KMT2C: variants seen among roughly 807,000 people sequenced by gnomAD.
KMT2C encodes histone-lysine N-methyltransferase 2C.
KMT2C carries 88 observed loss-of-function variants against 507.9 expected under a neutral mutation model. The ratio of observed to expected loss-of-function variants is 0.17; its 90% confidence interval spans 0.15 to 0.21. KMT2C has a LOEUF of 0.21. KMT2C is among the 10% of genes least tolerant of loss of function. The pLI is 1.00. For synonymous variants in KMT2C, 2,049 were observed against 2,080.8 expected (o/e 0.98, Z 0.42); for missense variants, 4,954 against 5,957.8 (o/e 0.83, Z 5.55).
intron 1 of KMT2C, among the ~76,000 whole-genome samples, chr7:152,395,137 C>T (rs1380177942): frequency 1.3e-5 from 2 of 152,026 alleles, no homozygotes; most frequent in Non-Finnish European, 2.9e-5. Context: ...CATGTATAAT[C>T]CCACTTAATA....
chr7:152,204,829 A>G (rs1227682504), intron 25 of KMT2C, among the ~76,000 whole-genome samples: 2 of 152,026 alleles, frequency 1.3e-5, no homozygotes, highest in African/African-American at 4.8e-5. Flanking sequence ...AATTTGATAC[A>G]GGAAAAAAGA....
intron 53 of KMT2C, among the ~76,000 whole-genome samples, chr7:152,145,506 G>C (rs765638473): frequency 2.7e-4 from 41 of 152,160 alleles, no homozygotes; most frequent in Non-Finnish European, 7.4e-5. Context: ...GCCAAACTTA[G>C]GTAAACCCTG....
rs377277317 is a variant in KMT2C at position 152,266,253 on chromosome 7, C to CT, written c.1013-1045dup. Among the ~76,000 whole-genome samples, 238 of 146,942 alleles carry CT rather than the reference C, an allele frequency of 1.6e-3. 1 individual carries two copies. In the East Asian group the frequency reaches 0.021, roughly 13 times the overall value. Reference sequence around the variant, plus strand: ...AAAGTATATGAACCTTTTTTTTTTCCTTTTTTTTTGAGACAGAGTTTCACT... The same window carrying CT: ...AAAGTATATGAACCTTTTTTTTTTCCTTTTTTTTTTGAGACAGAGTTTCACT... On this transcript the variant is annotated intron_variant, in intron 7 of 58. Coordinates refer to ENST00000262189, the MANE Select transcript of KMT2C (RefSeq NM_170606.3).
chr7:152,163,923 A>G (rs562147944), intron 42 of KMT2C, 97 bp from the exon 43 acceptor site: 2 of 1,181,164 alleles, frequency 1.7e-6, no homozygotes, highest in East Asian at 2.4e-5. Flanking sequence ...CACAGAGGGC[A>G]GTTTGGCCCT....
At chr7:152,169,287 A>T (rs2092856503) in intron 40 of KMT2C, 38 bp from the exon 41 acceptor site, 2 of 1,187,582 alleles carry the variant, frequency 1.7e-6, no homozygotes, top group Non-Finnish European at 2.5e-6. Context: ...TTTATTCCAC[A>T]TTTCAGTTAA....
chr7:152,425,016 G>A (rs947848488), intron 1 of KMT2C, among the ~76,000 whole-genome samples: 1 of 152,084 alleles, frequency 6.6e-6, no homozygotes, highest in African/African-American at 2.4e-5. Context: ...TGAGTCACAG[G>A]GCTAGGCGAG....
chr7:152,346,958 T>C (rs1244262861), intron 2 of KMT2C, among the ~76,000 whole-genome samples: 1 of 152,106 alleles, frequency 6.6e-6, no homozygotes, highest in Non-Finnish European at 1.5e-5. Flanking sequence ...AAACCCCGTC[T>C]CTACTAAAGA....
At position 152,144,594 on chromosome 7, in the gene KMT2C, A is replaced by C; in HGVS notation, c.14343+119T>G. 1 of 999,198 alleles carries C rather than the reference A, an allele frequency of 1.0e-6. No homozygotes were observed. The highest frequency in any genetic ancestry group is 1.5e-6 in the Non-Finnish European group (1 of 666,164). 61.9% of individuals were successfully genotyped at this position (999,198 alleles called of 1,614,324 possible). ...GGGACAGGATTTGATACGATTTTGA[A>C]AACACGTTTCTGTCCCTGCAGCTAT... On this transcript the variant is annotated intron_variant, in intron 55 of 58. Coordinates refer to ENST00000262189, the MANE Select transcript of KMT2C (RefSeq NM_170606.3). This position sits in a 1 kb window ranked among gnomAD's most constrained non-coding sequence, Gnocchi z 4.4.
chr7:152,348,621 AAAAG>A (rs1203118324), intron 2 of KMT2C, among the ~76,000 whole-genome samples: 19 of 143,222 alleles, frequency 1.3e-4, no homozygotes, highest in African/African-American at 3.7e-4. Context: ...AAAAAAAAAA[AAAAG>A]AAAGAAAGAA....
chr7:152,249,806 A>C, intron 13 of KMT2C, 70 bp downstream of exon 13: 1 of 968,996 alleles, frequency 1.0e-6, no homozygotes, highest in Non-Finnish European at 1.6e-6. Context: ...AGCAATCGCA[A>C]AAATGTCTTT....
At chr7:152,354,816 G>A (rs1443086077) in intron 2 of KMT2C, among the ~76,000 whole-genome samples, 1 of 152,278 alleles carries the variant, frequency 6.6e-6, no homozygotes, top group East Asian at 1.9e-4. Flanking sequence ...GCCAAAGTCA[G>A]ATCAATGGAG....
chr7:152,244,484 C>T (rs577368361), intron 14 of KMT2C, among the ~76,000 whole-genome samples: 71 of 152,158 alleles, frequency 4.7e-4, no homozygotes, highest in African/African-American at 1.6e-3. Context: ...GAGTTCGTAA[C>T]CAGCCTGGTC....
At chr7:152,410,027 C>G (rs1180801516) in intron 1 of KMT2C, among the ~76,000 whole-genome samples, 3 of 152,396 alleles carry the variant, frequency 2.0e-5, no homozygotes, top group Middle Eastern at 3.4e-3. Context: ...ATTCTCATTA[C>G]TCTTAAATCA....
At chr7:152,272,013 T>A (rs1389402851) in intron 7 of KMT2C, among the ~76,000 whole-genome samples, 1 of 152,106 alleles carries the variant, frequency 6.6e-6, no homozygotes, top group South Asian at 2.1e-4. Flanking sequence ...GGTCTCTCTA[T>A]TACCTTCATA....
chr7:152,354,943 T>C (rs1219994690), intron 2 of KMT2C, among the ~76,000 whole-genome samples: 1 of 152,176 alleles, frequency 6.6e-6, no homozygotes, highest in Non-Finnish European at 1.5e-5. Context: ...AGGATCACTC[T>C]GGCTACTATG....
intron 24 of KMT2C, 77 bp from the exon 25 acceptor site, chr7:152,205,302 TTATC>T (rs2129137421): frequency 9.2e-7 from 1 of 1,088,778 alleles, no homozygotes; most frequent in African/African-American, 1.6e-5. Flanking sequence ...TAAAACTGCT[TTATC>T]TTGAATAGTA....
intron 2 of KMT2C, among the ~76,000 whole-genome samples, chr7:152,353,556 C>T (rs546481481): frequency 5.9e-5 from 9 of 152,180 alleles, no homozygotes; most frequent in Non-Finnish European, 7.4e-5. Context: ...AACAGTGGTG[C>T]GACTGATTAC....
intron 9 of KMT2C, among the ~76,000 whole-genome samples, chr7:152,260,468 T>G (rs1166696753): frequency 1.3e-5 from 2 of 152,140 alleles, no homozygotes; most frequent in Non-Finnish European, 2.9e-5. Context: ...GAAGGTAATT[T>G]TTTAAGTAAA....
At chr7:152,294,656 G>A (rs888074819) in intron 6 of KMT2C, among the ~76,000 whole-genome samples, 1 of 152,060 alleles carries the variant, frequency 6.6e-6, no homozygotes, top group African/African-American at 2.4e-5. Context: ...TCCCAAAATA[G>A]AAGACTCTAT....
Sources: allele counts gnomAD v4.1 joint callset (sites outside exome capture counted in the v4.1 genomes callset), GRCh38; gene constraint gnomAD v4.1.1; non-coding constraint Gnocchi (gnomAD v3.1); transcripts MANE v1.5; gene names NCBI Gene and HGNC (gene_info 2026-07-23, HGNC 2026-07-21).